Variants in ADARB2 observed in about 807,000 individuals in gnomAD.
The protein encoded by ADARB2 is adenosine deaminase RNA specific B2 (inactive), also known as inactive double-stranded RNA-specific editase B2.
In ADARB2, 25 loss-of-function variants were observed where a neutral mutation model predicts 62.2. That is an observed-to-expected ratio of 0.40 (90% CI 0.29 to 0.56). The LOEUF (loss-of-function observed/expected upper bound fraction) is 0.56. Ranked by LOEUF, ADARB2 falls within the 20% of genes least tolerant of loss-of-function variation. The pLI is 0.43. For missense variants in ADARB2, 1,071 were observed against 1,077.4 expected, an observed-to-expected ratio of 0.99 and a Z score of 0.08; for synonymous variants, 572 against 500.8, an observed-to-expected ratio of 1.14 and a Z score of -1.90.
chr10:1,378,160 C>A (rs1832450839), intron 2 of ADARB2, among the ~76,000 whole-genome samples: 1 of 152,182 alleles, frequency 6.6e-6, no homozygotes, highest in African/African-American at 2.4e-5. Flanking sequence ...GAACCAGAGG[C>A]CAGCTCCTGC....
At chr10:1,410,306 G>T (rs1832748650) in intron 1 of ADARB2, among the ~76,000 whole-genome samples, 1 of 135,706 alleles carries the variant, frequency 7.4e-6, no homozygotes, top group Non-Finnish European at 1.5e-5. Context: ...CTGAGGCCTG[G>T]CCGTGGTCAT....
At chr10:1,647,297 C>T (rs1427519110) in intron 1 of ADARB2, among the ~76,000 whole-genome samples, 2 of 152,146 alleles carry the variant, frequency 1.3e-5, no homozygotes, top group African/African-American at 4.8e-5. Flanking sequence ...ATTTCTTCTA[C>T]CATTGGCTCC....
chr10:1,600,061 G>T (rs989405998), intron 1 of ADARB2, among the ~76,000 whole-genome samples: 12 of 152,094 alleles, frequency 7.9e-5, no homozygotes, highest in Non-Finnish European at 8.8e-5. Flanking sequence ...ATAATTTGAT[G>T]ACAACAATTG....
At chr10:1,575,779 G>A (rs1039970212) in intron 1 of ADARB2, among the ~76,000 whole-genome samples, 8 of 152,164 alleles carry the variant, frequency 5.3e-5, no homozygotes, top group Admixed American at 2.0e-4. Flanking sequence ...AGAGCCTGGC[G>A]GTTTGGCTCT....
At position 1,737,077 on chromosome 10, in the gene ADARB2, C is replaced by G. The variant is rs1287750128; in HGVS notation, c.74G>C (p.Arg25Thr). The G allele has an allele frequency of 6.2e-7, 1 of 1,612,038 alleles. No individual in the cohort carries two copies. Among genetic ancestry groups the G allele is most frequent in the Non-Finnish European group, 8.5e-7 (1 of 1,179,926 alleles). ...TTTCCGCTTGGACCTCCGCCTCCTC[C>G]TCCTCTTGGACTTGCATTTGAGTTG... ...SSQLKCKSKR[R>T]RRRRSKRKDK... Residue 25 changes from arginine (R) to threonine (T), a missense_variant, in exon 1 of 10, where the codon AGG becomes ACG. Transcript: ENST00000381312.
chr10:1,189,729 C>T lies in ADARB2; in HGVS notation c.1865-4690G>A, dbSNP rs116349949. On this transcript the variant is annotated intron_variant, in intron 8 of 9. Transcript: ENST00000381312. ...ACCCAGTCCACCCAGAACACATGGCCCTACCTCCTTCCCCAGAACACGTGG... is the reference window on the plus strand; with the variant it reads ...ACCCAGTCCACCCAGAACACATGGCTCTACCTCCTTCCCCAGAACACGTGG... Among the ~76,000 whole-genome samples, 1,256 of 150,940 alleles carry T rather than the reference C, an allele frequency of 8.3e-3. 33 individuals carry two copies. The highest frequency in any genetic ancestry group is 0.038 in the East Asian group (193 of 5,110).
At chr10:1,347,896 A>AGAGAGGGATACG (rs1220531393) in intron 3 of ADARB2, among the ~76,000 whole-genome samples, 2 of 152,156 alleles carry the variant, frequency 1.3e-5, no homozygotes, top group Non-Finnish European at 2.9e-5. Context: ...ATACAGGAAC[A>AGAGAGGGATACG]GAGAGGGATA....
intron 1 of ADARB2, among the ~76,000 whole-genome samples, chr10:1,574,546 G>A (rs1362271463): frequency 6.6e-6 from 1 of 152,038 alleles, no homozygotes; most frequent in African/African-American, 2.4e-5. Context: ...TGGAGGCTGG[G>A]TGTCCAAGGT....
intron 3 of ADARB2, among the ~76,000 whole-genome samples, chr10:1,276,283 C>T (rs1202713919): frequency 2.0e-5 from 3 of 152,110 alleles, no homozygotes; most frequent in Non-Finnish European, 4.4e-5. Flanking sequence ...TTTCATGTGT[C>T]TTTTGGCTGC....
At chr10:1,221,571 C>T (rs1429398072) in intron 6 of ADARB2, among the ~76,000 whole-genome samples, 2 of 150,954 alleles carry the variant, frequency 1.3e-5, no homozygotes, top group Non-Finnish European at 1.5e-5. Flanking sequence ...TCCCCCCTCA[C>T]CCCACCCCAC....
At chr10:1,245,321 A>AT (rs554536192) in intron 4 of ADARB2, among the ~76,000 whole-genome samples, 395 of 152,104 alleles carry the variant, frequency 2.6e-3, no homozygotes, top group Admixed American at 4.3e-3. Flanking sequence ...TTATTTACTT[A>AT]TTTTTTGTTT....
chr10:1,481,856 C>CAAA (rs34445492), intron 1 of ADARB2, among the ~76,000 whole-genome samples: 14 of 135,142 alleles, frequency 1.0e-4, no homozygotes, highest in South Asian at 2.4e-4. Flanking sequence ...GACTCCATCT[C>CAAA]AAAAAAAAAA....
intron 1 of ADARB2, among the ~76,000 whole-genome samples, chr10:1,564,785 T>TTTTA (rs71994909): frequency 4.3e-5 from 1 of 23,472 alleles, no homozygotes; most frequent in Non-Finnish European, 1.1e-4. Context: ...TTTTATTACC[T>TTTTA]TTTTTTTTTT....
rs1246712374 is a variant in ADARB2, at chr10:1,199,923, TGGTG to T, written c.1864+39_1864+42del. ...CCGGGCACACCTGTGTCTGGCCTGG[TGGTG>T]GGAAGGAGGTGGAGGGCCCCCGGGA... is the stretch of plus-strand genomic sequence containing the variant. On this transcript the variant is annotated intron_variant, in intron 8 of 9. Coordinates refer to ENST00000381312, the MANE Select transcript of ADARB2 (RefSeq NM_018702.4). 6.8e-6 allele frequency: 10 copies of T among 1,466,870 alleles called. No individual in the cohort carries two copies. The South Asian group carries it at 1.3e-4, about 19-fold the overall frequency. 90.9% of individuals were successfully genotyped at this position (1,466,870 alleles called of 1,614,324 possible). A position where few individuals can be genotyped will look rare whatever the true frequency, so the allele number is the denominator to read the frequency against.
chr10:1,247,089 G>C (rs1259284695), intron 4 of ADARB2, among the ~76,000 whole-genome samples: 2 of 152,116 alleles, frequency 1.3e-5, no homozygotes, highest in African/African-American at 4.8e-5. Flanking sequence ...TATTCTCTTT[G>C]AAGCAATTGT....
At chr10:1,207,239 C>G (rs960966077) in intron 7 of ADARB2, among the ~76,000 whole-genome samples, 4 of 152,032 alleles carry the variant, frequency 2.6e-5, no homozygotes, top group Admixed American at 6.5e-5. Context: ...CCCAGCTACT[C>G]GGGAGGCTAA....
intron 1 of ADARB2, among the ~76,000 whole-genome samples, chr10:1,598,952 T>C (rs1833374043): frequency 1.3e-5 from 2 of 152,236 alleles, no homozygotes; most frequent in South Asian, 4.1e-4. Context: ...ACACCTGCTG[T>C]GTGGCTGGAC....
rs75384524 is a variant in ADARB2, at chr10:1,623,684, C to T, written c.100+113367G>A. Among the ~76,000 whole-genome samples the T allele has an allele frequency of 2.4e-3, 363 of 152,330 alleles. 1 individual carries two copies. Among genetic ancestry groups the T allele is most frequent in the African/African-American group, 8.0e-3 (334 of 41,578 alleles). On this transcript the variant is annotated intron_variant, in intron 1 of 9. Transcript: ENST00000381312. The stretch of plus-strand genomic sequence containing the variant: ...CGATTGCACACGCATGGATTCCCTG[C>T]CTTATTGAAGACATTGGAGACCTCC...
At chr10:1,680,738 T>C (rs1834525804) in intron 1 of ADARB2, among the ~76,000 whole-genome samples, 1 of 152,174 alleles carries the variant, frequency 6.6e-6, no homozygotes, top group Admixed American at 6.5e-5. Context: ...TGAGTGTGCT[T>C]GGGGAAAATG....
Sources: gnomAD v4.1 joint callset for allele counts (sites outside exome capture counted in the v4.1 genomes callset) on GRCh38, gnomAD v4.1.1 for gene constraint, MANE v1.5 for transcripts, NCBI Gene and HGNC (gene_info 2026-07-23, HGNC 2026-07-21) for gene names.